Variants in PIP4K2A observed in about 807,000 individuals in gnomAD.
PIP4K2A encodes the protein phosphatidylinositol-5-phosphate 4-kinase type 2 alpha, also known as phosphatidylinositol 5-phosphate 4-kinase type-2 alpha.
Under a neutral mutation model 42.9 loss-of-function variants are expected in PIP4K2A, and 14 were observed. The ratio of observed to expected loss-of-function variants is 0.33; its 90% confidence interval spans 0.22 to 0.51. The LOEUF is 0.51. Ranked by LOEUF, PIP4K2A falls within the 20% of genes least tolerant of loss-of-function variation. The pLI, the probability that PIP4K2A is intolerant of heterozygous loss-of-function variation, is 0.97. For missense variants in PIP4K2A, 434 were observed against 519.8 expected (o/e 0.83, Z 1.61); for synonymous variants, 192 against 192.2 (o/e 1.00, Z 0.01).
At chr10:22,635,435 T>C (rs1838641235) in intron 1 of PIP4K2A, among the ~76,000 whole-genome samples, 1 of 151,984 alleles carries the variant, frequency 6.6e-6, no homozygotes, top group Non-Finnish European at 1.5e-5. Context: ...CCATTTTAAA[T>C]AAAAAGAAAA....
intron 1 of PIP4K2A, among the ~76,000 whole-genome samples, chr10:22,705,516 G>A (rs1380093346): frequency 1.3e-5 from 2 of 148,234 alleles, no homozygotes; most frequent in African/African-American, 5.0e-5. Flanking sequence ...AGGAAACTGA[G>A]GTAGGCCTAA....
intron 9 of PIP4K2A, among the ~76,000 whole-genome samples, chr10:22,539,163 C>A (rs562521592): frequency 3.9e-5 from 6 of 152,198 alleles, no homozygotes; most frequent in African/African-American, 1.4e-4. Context: ...GCAGGCAGGG[C>A]AAGGGGATGA....
intron 1 of PIP4K2A, among the ~76,000 whole-genome samples, chr10:22,682,460 A>G (rs1309289095): frequency 6.6e-6 from 1 of 152,232 alleles, no homozygotes; most frequent in African/African-American, 2.4e-5. Context: ...TTCCTAATAT[A>G]GTGTTTTATT....
Position 22,536,279 on chromosome 10 carries a change from A to C in PIP4K2A, c.*922T>G. 5.0e-6 allele frequency: 2 copies of C among 396,272 alleles called. No homozygotes were observed. The highest frequency in any genetic ancestry group is 2.8e-4 in the South Asian group (2 of 7,042). 24.5% of individuals were successfully genotyped at this position (396,272 alleles called of 1,614,324 possible). On this transcript the variant is annotated 3_prime_UTR_variant, in exon 10 of 10. Coordinates refer to ENST00000376573, the MANE Select transcript of PIP4K2A (RefSeq NM_005028.5). The stretch of plus-strand genomic sequence containing the variant: ...GGGAGATGTAGATACCATTGCCCCA[A>C]ACTATGCACTTTTCAGGTAAGCTTT...
intron 3 of PIP4K2A, among the ~76,000 whole-genome samples, chr10:22,601,332 C>T (rs1027186007): frequency 3.9e-5 from 6 of 151,930 alleles, no homozygotes; most frequent in Non-Finnish European, 7.4e-5. Context: ...CCTGGGGTCC[C>T]AGGTGGGGGC....
At chr10:22,600,086 TCATAA>T (rs548316073) in intron 3 of PIP4K2A, among the ~76,000 whole-genome samples, 32 of 151,778 alleles carry the variant, frequency 2.1e-4, no homozygotes, top group South Asian at 2.1e-3. Flanking sequence ...TTTCTCTCTC[TCATAA>T]AAGTGTCCTC....
intron 1 of PIP4K2A, among the ~76,000 whole-genome samples, chr10:22,617,009 T>C (rs2130729224): frequency 1.3e-5 from 2 of 152,354 alleles, no homozygotes; most frequent in East Asian, 3.9e-4. Context: ...AAAAATATAA[T>C]TAACACAAAA....
chr10:22,599,992 C>T (rs1276666453), intron 3 of PIP4K2A, among the ~76,000 whole-genome samples: 7 of 152,156 alleles, frequency 4.6e-5, no homozygotes, highest in African/African-American at 9.7e-5. Flanking sequence ...TTTCCGCAGT[C>T]GGAGGTCCAG....
rs1322903401 is a variant in PIP4K2A at position 22,573,356 on chromosome 10, A to G, written c.594T>C (p.Asn198=). The change falls in exon 5 of 10, where the codon AAT becomes AAC. Residue 198 remains asparagine (N), a synonymous_variant. Coordinates refer to ENST00000376573, the MANE Select transcript of PIP4K2A (RefSeq NM_005028.5). ...GVEIYVIVTR[N]VFSHRLSVYR... ...ACACAGACAAACGGTGGCTGAATAC[A>G]TTTCTTGTAACTATCACATATATTT... is the stretch of plus-strand genomic sequence containing the variant. 6.2e-7 allele frequency: 1 copy of G among 1,613,764 alleles called. No individual in the cohort carries two copies. Among genetic ancestry groups the G allele is most frequent in the Non-Finnish European group, 8.5e-7 (1 of 1,179,674 alleles).
At chr10:22,595,679 C>A (rs1278585962) in intron 3 of PIP4K2A, among the ~76,000 whole-genome samples, 1 of 151,862 alleles carries the variant, frequency 6.6e-6, no homozygotes, top group Non-Finnish European at 1.5e-5. Context: ...ATTGTTTGAA[C>A]CTGGGAGGCA....
At chr10:22,608,053 CAG>C (rs1476267717) in intron 2 of PIP4K2A, 30 bp from the exon 3 acceptor site, 3 of 1,428,044 alleles carry the variant, frequency 2.1e-6, no homozygotes, top group East Asian at 2.3e-5. Context: ...GAATAAAGCT[CAG>C]AGAGAGTCAA....
chr10:22,619,439 C>T (rs200937724), intron 1 of PIP4K2A, among the ~76,000 whole-genome samples: 144 of 137,490 alleles, frequency 1.0e-3, no homozygotes, highest in African/African-American at 3.8e-3. Context: ...TTTCTTTTTT[C>T]TTTTTTTTTT....
chr10:22,568,206 C>T (rs1836896362), intron 5 of PIP4K2A, among the ~76,000 whole-genome samples: 1 of 152,244 alleles, frequency 6.6e-6, no homozygotes, highest in African/African-American at 2.4e-5. Context: ...CAGTAACTTA[C>T]TCAACACTGG....
At chr10:22,623,200 T>C (rs1425192616) in intron 1 of PIP4K2A, among the ~76,000 whole-genome samples, 2 of 152,078 alleles carry the variant, frequency 1.3e-5, no homozygotes, top group Non-Finnish European at 2.9e-5. Context: ...ATTCATGTGT[T>C]TGTCTATGAA....
At chr10:22,705,425 TTA>T (rs1789340700) in intron 1 of PIP4K2A, among the ~76,000 whole-genome samples, 5 of 56,876 alleles carry the variant, frequency 8.8e-5, no homozygotes, top group African/African-American at 2.8e-4. Context: ...AGTACCCCAG[TTA>T]AAAAAAAAAA....
At chr10:22,672,357 A>T (rs1322697628) in intron 1 of PIP4K2A, among the ~76,000 whole-genome samples, 1 of 152,192 alleles carries the variant, frequency 6.6e-6, no homozygotes, top group African/African-American at 2.4e-5. Flanking sequence ...ACAATGAACT[A>T]TTCACACCTT....
chr10:22,627,082 CAACTA>C (rs767872462), intron 1 of PIP4K2A, among the ~76,000 whole-genome samples: 1 of 146,426 alleles, frequency 6.8e-6, no homozygotes, highest in Non-Finnish European at 1.5e-5. Context: ...TGTATTCTAT[CAACTA>C]TAAAAAAAAG....
chr10:22,541,191 A>AT (rs1836102360), intron 8 of PIP4K2A, among the ~76,000 whole-genome samples: 1 of 152,204 alleles, frequency 6.6e-6, no homozygotes, highest in African/African-American at 2.4e-5. Context: ...GAAGAGGGCC[A>AT]TAGGCCCTTC....
chr10:22,710,154 T>C (rs1487411578), intron 1 of PIP4K2A, among the ~76,000 whole-genome samples: 2 of 152,048 alleles, frequency 1.3e-5, no homozygotes, highest in East Asian at 3.9e-4. Context: ...TCAAAGCTAC[T>C]GACGCTCCAC....
Sources: gnomAD v4.1 joint callset for allele counts (sites outside exome capture counted in the v4.1 genomes callset) on GRCh38, gnomAD v4.1.1 for gene constraint, MANE v1.5 for transcripts, NCBI Gene and HGNC (gene_info 2026-07-23, HGNC 2026-07-21) for gene names.